ARFGEF1: variants seen among roughly 807,000 people sequenced by gnomAD.
ARFGEF1 encodes the protein ARF guanine nucleotide exchange factor 1.
A neutral mutation model predicts 231.0 loss-of-function variants in ARFGEF1; 42 were observed. That is an observed-to-expected ratio of 0.18 (90% CI 0.14 to 0.24). ARFGEF1 has a LOEUF of 0.24. Among genes scored for constraint, ARFGEF1 ranks in the 10% least tolerant of loss-of-function variants. The pLI is 1.00. For synonymous variants in ARFGEF1, 710 were observed against 732.3 expected (o/e 0.97, Z 0.49); for missense variants, 1,345 against 2,192.0 (o/e 0.61, Z 7.72).
chr8:67,204,370 A>T (rs1056755769), intron 35 of ARFGEF1, among the ~76,000 whole-genome samples: 1 of 152,004 alleles, frequency 6.6e-6, no homozygotes, highest in African/African-American at 2.4e-5. Context: ...TCTTCATCTG[A>T]CTTCCCCGAC....
chr8:67,212,770 G>T (rs1416119235), intron 33 of ARFGEF1, among the ~76,000 whole-genome samples: 1 of 152,158 alleles, frequency 6.6e-6, no homozygotes. Flanking sequence ...TGTATTTTAA[G>T]GAAGAAATTA....
intron 34 of ARFGEF1, among the ~76,000 whole-genome samples, chr8:67,208,426 T>C (rs1319471929): frequency 6.6e-6 from 1 of 152,072 alleles, no homozygotes; most frequent in African/African-American, 2.4e-5. Context: ...GGCCCAGAGT[T>C]TGAGACGAGC....
rs1169812876 is a variant in ARFGEF1 at position 67,240,071 on chromosome 8, C to T, written c.2979+91G>A. ...TAAACTTGAAATTAGTTTTTAATGT[C>T]ACACATAAACAATTATTGTAATTTA... is the stretch of plus-strand genomic sequence containing the variant. On this transcript the variant is annotated intron_variant, in intron 20 of 38. Transcript: ENST00000262215. 2.0e-6 allele frequency: 3 copies of T among 1,495,580 alleles called. No individual in the cohort carries two copies. In the African/African-American group the frequency reaches 4.3e-5, roughly 21 times the overall value. The allele number at this position is 1,495,580 out of a possible 1,614,324, so 92.6% of individuals were successfully genotyped here. A position where few individuals can be genotyped will look rare whatever the true frequency, so the allele number is the denominator to read the frequency against.
intron 19 of ARFGEF1, among the ~76,000 whole-genome samples, chr8:67,241,729 A>T (rs1839935118): frequency 1.3e-5 from 2 of 152,206 alleles, no homozygotes; most frequent in African/African-American, 4.8e-5. Flanking sequence ...CACACAAAAA[A>T]AACACCTTCA....
chr8:67,195,208 C>T (rs959974780), downstream of ARFGEF1, among the ~76,000 whole-genome samples: 10 of 152,074 alleles, frequency 6.6e-5, no homozygotes, highest in African/African-American at 2.4e-4. Flanking sequence ...TCTCCTCCCT[C>T]TAAAATAGGG....
intron 1 of ARFGEF1, among the ~76,000 whole-genome samples, chr8:67,309,711 G>A (rs1034761556): frequency 1.3e-5 from 2 of 152,154 alleles, no homozygotes; most frequent in African/African-American, 4.8e-5. Context: ...TTGCTCATTA[G>A]CATCAGAGTC....
At chr8:67,263,351 T>G (rs1474965728) in intron 14 of ARFGEF1, among the ~76,000 whole-genome samples, 1 of 152,218 alleles carries the variant, frequency 6.6e-6, no homozygotes, top group African/African-American at 2.4e-5. Flanking sequence ...CATATTCTAA[T>G]GCACCCTTCA....
chr8:67,228,459 C>A (rs77211062), intron 23 of ARFGEF1, among the ~76,000 whole-genome samples, 195 bp from the exon 24 acceptor site: 2,511 of 151,966 alleles, frequency 0.017, 77 homozygotes, highest in African/African-American at 0.058. Flanking sequence ...TCCACCTCTA[C>A]TCCATGTGAA....
intron 10 of ARFGEF1, among the ~76,000 whole-genome samples, chr8:67,270,815 G>A (rs1168577345): frequency 4.0e-5 from 6 of 150,360 alleles, no homozygotes; most frequent in Admixed American, 2.0e-4. Flanking sequence ...ACCTGAGGTC[G>A]GGAGTTTGAG....
At chr8:67,325,939 T>C (rs180925236) in intron 1 of ARFGEF1, among the ~76,000 whole-genome samples, 1 of 152,186 alleles carries the variant, frequency 6.6e-6, no homozygotes, top group Non-Finnish European at 1.5e-5. Context: ...TCCCACCACT[T>C]TGGAATCCCA....
At chr8:67,323,250 T>TCAA (rs112920519) in intron 1 of ARFGEF1, among the ~76,000 whole-genome samples, 5,880 of 151,962 alleles carry the variant, frequency 0.039, 230 homozygotes, top group African/African-American at 0.09. Context: ...AGACTCCATC[T>TCAA]CAACAACAAC....
intron 5 of ARFGEF1, among the ~76,000 whole-genome samples, chr8:67,184,823 G>C (rs1834034198): frequency 6.7e-6 from 1 of 149,484 alleles, no homozygotes; most frequent in South Asian, 2.1e-4. Context: ...CAGTCGGCCG[G>C]GCACGGTGGC....
intron 23 of ARFGEF1, among the ~76,000 whole-genome samples, chr8:67,230,086 T>C (rs1839506063): frequency 6.6e-6 from 1 of 152,042 alleles, no homozygotes; most frequent in African/African-American, 2.4e-5. Flanking sequence ...CAATTCCTAC[T>C]CACTGCCATA....
rs60451226 is a variant in ARFGEF1 at position 67,288,657 on chromosome 8, C to T, written c.917-592G>A. ...CTGAGGCAGGAGAACTGCTTGAACT[C>T]GGGAGGTAGAGGTTGCAATGAGCTG... On this transcript the variant is annotated intron_variant, in intron 6 of 38. Transcript: ENST00000262215. Among the ~76,000 whole-genome samples the T allele has an allele frequency of 2.0e-3, 311 of 152,062 alleles. 2 individuals carry two copies. The highest frequency in any genetic ancestry group is 7.1e-3 in the African/African-American group (296 of 41,468).
chr8:67,246,825 TGATA>T lies in ARFGEF1; in HGVS notation c.2850+4470_2850+4473del, dbSNP rs535263975. On this transcript the variant is annotated intron_variant, in intron 19 of 38. Coordinates refer to ENST00000262215, the MANE Select transcript of ARFGEF1 (RefSeq NM_006421.5). The stretch of plus-strand genomic sequence containing the variant: ...AAAACAAAAAGTTGGTTTTCTGAAA[TGATA>T]GATAAACTTGACAAACCTTAACCAA... 1.2e-3 allele frequency among the ~76,000 whole-genome samples: 180 copies of T among 149,834 alleles called. 14 individuals are homozygous for T. The highest frequency in any genetic ancestry group is 4.2e-3 in the African/African-American group (168 of 40,206).
chr8:67,285,905 A>G (rs968249696), intron 7 of ARFGEF1, among the ~76,000 whole-genome samples: 7 of 152,182 alleles, frequency 4.6e-5, no homozygotes, highest in African/African-American at 1.7e-4. Flanking sequence ...AGTTGGGGGG[A>G]AAAATCAAGA....
chr8:67,237,570 T>A (rs940322121), intron 22 of ARFGEF1, among the ~76,000 whole-genome samples: 1 of 151,648 alleles, frequency 6.6e-6, no homozygotes, highest in East Asian at 1.9e-4. Flanking sequence ...AGGTGGGGGG[T>A]TGGGGAGGGA....
At chr8:67,300,660 CAAAAAAAAAAAAAAAAAAA>C (rs200434355) in intron 3 of ARFGEF1, among the ~76,000 whole-genome samples, 1 of 88,662 alleles carries the variant, frequency 1.1e-5, no homozygotes, top group African/African-American at 3.9e-5. Context: ...CTTGTCTCTT[CAAAAAAAAAAAAAAAAAAA>C]AAAAAAATAC....
At chr8:67,310,399 C>T (rs996524719) in intron 1 of ARFGEF1, among the ~76,000 whole-genome samples, 1 of 152,216 alleles carries the variant, frequency 6.6e-6, no homozygotes, top group African/African-American at 2.4e-5. Context: ...TCACTCAGTG[C>T]TCAATAGTGC....
Sources: allele counts gnomAD v4.1 joint callset (sites outside exome capture counted in the v4.1 genomes callset), GRCh38; gene constraint gnomAD v4.1.1; transcripts MANE v1.5; gene names NCBI Gene and HGNC (gene_info 2026-07-23, HGNC 2026-07-21).